SVEP1: variants seen among roughly 807,000 people sequenced by gnomAD.
SVEP1 encodes the protein sushi, von Willebrand factor type A, EGF and pentraxin domain containing 1, also known as sushi, von Willebrand factor type A, EGF and pentraxin domain-containing protein 1.
SVEP1 carries 164 observed loss-of-function variants against 367.3 expected under a neutral mutation model. That is an observed-to-expected ratio of 0.45 (90% CI 0.39 to 0.51). The LOEUF (loss-of-function observed/expected upper bound fraction) is 0.51, where lower values mean the gene tolerates loss of function less well. Ranked by LOEUF, SVEP1 falls within the 20% of genes least tolerant of loss-of-function variation. The pLI is 0.00. For synonymous variants in SVEP1, 1,666 were observed against 1,611.6 expected (o/e 1.03, Z -0.81); for missense variants, 4,117 against 4,425.3 (o/e 0.93, Z 1.98).
intron 6 of SVEP1, 99 bp from the exon 7 acceptor site, chr9:110,499,337 G>A: frequency 3.6e-6 from 4 of 1,101,918 alleles, no homozygotes; most frequent in Non-Finnish European, 5.2e-6. Flanking sequence ...TGCTGCCTTA[G>A]GATTTACGTA....
rs567702428 is a variant in SVEP1, at chr9:110,495,936, T to C, written c.1800+879A>G. Among the ~76,000 whole-genome samples, 6 of 152,294 alleles carry C rather than the reference T, an allele frequency of 3.9e-5. No individual in the cohort carries two copies. In the South Asian group the frequency reaches 1.2e-3, roughly 32 times the overall value. ...ATATTTTAAAAGATAGGTTCATAAA[T>C]AGCAATTAGGATTGAGTCCACATCT... On this transcript the variant is annotated intron_variant, in intron 8 of 47. Transcript: ENST00000374469.
chr9:110,383,439 C>G (rs192325756), intron 43 of SVEP1, among the ~76,000 whole-genome samples: 1 of 152,188 alleles, frequency 6.6e-6, no homozygotes, highest in African/African-American at 2.4e-5. Flanking sequence ...TGGCTGCCTG[C>G]TCTTTCCTCT....
intron 40 of SVEP1, among the ~76,000 whole-genome samples, chr9:110,392,207 G>A (rs1827669274): frequency 6.8e-6 from 1 of 147,224 alleles, no homozygotes; most frequent in African/African-American, 2.5e-5. Flanking sequence ...CATGACTAAT[G>A]CAATGTCTCT....
Position 110,579,400 on chromosome 9 carries a change from C to A in SVEP1, c.144G>T (p.Ala48=). ...TAPGAPGSIP[A]PPAPGDEAAG... is the part of the protein sequence containing the mutation. ...CCGCTTCGTCGCCAGGAGCGGGCGG[C>A]GCGGGGATACTCCCGGGGGCCCCGG... The change falls in exon 1 of 48, where the codon GCG becomes GCT. Residue 48 remains alanine, a synonymous_variant. Transcript: ENST00000374469. The surrounding 1 kb of genome is among the most constrained non-coding windows in gnomAD (Gnocchi z 5.3). 1 of 1,573,106 alleles carries A rather than the reference C, an allele frequency of 6.4e-7. No homozygotes were observed.
intron 3 of SVEP1, among the ~76,000 whole-genome samples, chr9:110,526,407 T>C (rs1829940084): frequency 6.6e-6 from 1 of 152,076 alleles, no homozygotes; most frequent in Non-Finnish European, 1.5e-5. Flanking sequence ...AAGATATAGA[T>C]GGCAAATAAA....
rs780701958 is a variant in SVEP1 at position 110,465,974 on chromosome 9, C to T, written c.3213G>A (p.Ser1071=). 15 of 1,613,378 alleles carry T rather than the reference C, an allele frequency of 9.3e-6. No individual in the cohort carries two copies. Among genetic ancestry groups the T allele is most frequent in the Admixed American group, 3.3e-5 (2 of 59,952 alleles). ...YSYSGLETCE[S]CPLGTYQPKF... is the part of the protein sequence containing the mutation. Reference sequence around the variant, plus strand: ...TTGGCTGATAAGTGCCCAGTGGACACGATTCACAAGTCTCAAGTCCACTGT... The same window carrying T: ...TTGGCTGATAAGTGCCCAGTGGACATGATTCACAAGTCTCAAGTCCACTGT... Residue 1071 remains serine (S), a synonymous_variant, in exon 18 of 48, where the codon TCG becomes TCA. Transcript: ENST00000374469.
intron 46 of SVEP1, 88 bp downstream of exon 46, chr9:110,375,280 A>T: frequency 1.8e-6 from 2 of 1,097,922 alleles, no homozygotes; most frequent in Non-Finnish European, 2.6e-6. Context: ...TTTTGCCACC[A>T]CTTCTGAGTC....
chr9:110,505,074 C>T (rs10980416), intron 5 of SVEP1, among the ~76,000 whole-genome samples: 65,903 of 151,946 alleles, frequency 0.43, 14,376 homozygotes, highest in East Asian at 0.54. Flanking sequence ...CTCAACATCA[C>T]CATCAGAAAA....
chr9:110,525,942 G>T (rs1447108233), intron 3 of SVEP1, among the ~76,000 whole-genome samples: 1 of 152,086 alleles, frequency 6.6e-6, no homozygotes, highest in Admixed American at 6.6e-5. Context: ...ACAGAGGAAA[G>T]ATAGCCTTTT....
intron 47 of SVEP1, among the ~76,000 whole-genome samples, chr9:110,367,718 G>A (rs1827220507): frequency 6.6e-6 from 1 of 152,112 alleles, no homozygotes; most frequent in South Asian, 2.1e-4. Context: ...CAGAGTCCTG[G>A]ATTTTTAAAC....
chr9:110,454,845 A>G (rs969743015), intron 22 of SVEP1, among the ~76,000 whole-genome samples: 2 of 152,168 alleles, frequency 1.3e-5, no homozygotes, highest in African/African-American at 4.8e-5. Flanking sequence ...AAAACTACAT[A>G]TTAGGTACTA....
chr9:110,552,297 T>C (rs1386624870), intron 1 of SVEP1, among the ~76,000 whole-genome samples: 2 of 152,004 alleles, frequency 1.3e-5, no homozygotes, highest in Non-Finnish European at 2.9e-5. Flanking sequence ...CCCAAAGTGC[T>C]GGGATTACAG....
intron 1 of SVEP1, among the ~76,000 whole-genome samples, chr9:110,574,328 T>G (rs1588114703): frequency 6.6e-6 from 1 of 152,204 alleles, no homozygotes; most frequent in East Asian, 1.9e-4. Flanking sequence ...CAGAAAAGGT[T>G]TGAAAAACTG....
In SVEP1 at chr9:110,460,748, G is replaced by A. The variant is rs142975155; in HGVS notation, c.3323-1635C>T. ...AGCCTGAGCAACGGAGTGAGACTCC[G>A]TCTCAAAAGAAAAAAAAAAAAGAAA... is the stretch of plus-strand genomic sequence containing the variant. On this transcript the variant is annotated intron_variant, in intron 18 of 47. Coordinates refer to ENST00000374469, the MANE Select transcript of SVEP1 (RefSeq NM_153366.4). 9.1e-3 allele frequency among the ~76,000 whole-genome samples: 1,362 copies of A among 150,354 alleles called. 15 individuals carry two copies. The highest frequency in any genetic ancestry group is 0.015 in the Non-Finnish European group (1,047 of 67,738).
At position 110,457,316 on chromosome 9, in the gene SVEP1, T is replaced by A. The variant is rs1564148300; in HGVS notation, c.3613A>T (p.Ser1205Cys). Residue 1205 changes from serine (S) to cysteine (C), a missense_variant, in exon 21 of 48, where the codon AGT becomes TGT. Transcript: ENST00000374469. ...CGCCCAAGTTGCTGGCAGGTTCCAC[T>A]ATTGTGGCAAGGGTTAAAGAAGCAT... ...HECFFNPCHN[S>C]GTCQQLGRGY... 6.2e-7 allele frequency: 1 copy of A among 1,612,664 alleles called. No individual in the cohort carries two copies. Among genetic ancestry groups the A allele is most frequent in the Non-Finnish European group, 8.5e-7 (1 of 1,179,606 alleles).
chr9:110,488,092 T>C (rs1191773379), intron 9 of SVEP1, among the ~76,000 whole-genome samples: 2 of 152,172 alleles, frequency 1.3e-5, no homozygotes, highest in African/African-American at 2.4e-5. Flanking sequence ...CGATATCAAG[T>C]AGGTGAAACC....
intron 17 of SVEP1, among the ~76,000 whole-genome samples, chr9:110,466,389 T>C (rs1363030042): frequency 6.6e-6 from 1 of 152,180 alleles, no homozygotes; most frequent in Non-Finnish European, 1.5e-5. Flanking sequence ...ATACGTACAC[T>C]GTTATCCTGC....
At chr9:110,501,248 T>A (rs1226392991) in intron 6 of SVEP1, among the ~76,000 whole-genome samples, 1 of 150,596 alleles carries the variant, frequency 6.6e-6, no homozygotes, top group Non-Finnish European at 1.5e-5. Flanking sequence ...ATTAAAATGT[T>A]CTTTTCATCT....
intron 1 of SVEP1, among the ~76,000 whole-genome samples, chr9:110,558,333 C>CAAAAAAA (rs60516091): frequency 1.1e-5 from 1 of 88,330 alleles, no homozygotes; most frequent in Non-Finnish European, 2.2e-5. Flanking sequence ...CCTGTCTCTA[C>CAAAAAAA]AAAAAAAAAA....
Sources: gnomAD v4.1 joint callset for allele counts (sites outside exome capture counted in the v4.1 genomes callset) on GRCh38, gnomAD v4.1.1 for gene constraint, Gnocchi (gnomAD v3.1) non-coding constraint, MANE v1.5 for transcripts, NCBI Gene and HGNC (gene_info 2026-07-23, HGNC 2026-07-21) for gene names.